Variants in CHLSN observed in about 807,000 individuals in gnomAD.
CHLSN encodes the protein protein cholesin.
the CHLSN span, among the ~76,000 whole-genome samples, chr7:990,622 G>T: frequency 6.6e-6 from 1 of 152,008 alleles, no homozygotes; most frequent in Non-Finnish European, 1.5e-5. Context: ...TCATGGGTGG[G>T]GCTGCTGCTA....
chr7:1,070,971 G>A, the CHLSN span, among the ~76,000 whole-genome samples: 3 of 142,796 alleles, frequency 2.1e-5, no homozygotes, highest in African/African-American at 7.8e-5. Flanking sequence ...CACGCACACG[G>A]GCACATGCAC....
At chr7:989,360 C>G in the CHLSN span, 2 of 157,300 alleles carry the variant, frequency 1.3e-5, no homozygotes, top group Non-Finnish European at 2.8e-5. Context: ...TGGGGCCATG[C>G]GTATGACTGG....
chr7:1,070,931 A>G, the CHLSN span, among the ~76,000 whole-genome samples: 21 of 137,922 alleles, frequency 1.5e-4, no homozygotes, highest in African/African-American at 5.4e-4. Flanking sequence ...ACGCACAGAC[A>G]CGCACACATG....
chr7:997,927 C>T, the CHLSN span: 6 of 891,162 alleles, frequency 6.7e-6, no homozygotes, highest in Admixed American at 2.8e-5. Context: ...CACTGCGGCC[C>T]GAGGGTGTGG....
chr7:982,903 T>A, the CHLSN span, among the ~76,000 whole-genome samples: 2 of 152,314 alleles, frequency 1.3e-5, no homozygotes, highest in South Asian at 4.1e-4. Flanking sequence ...ACTGGCAGGT[T>A]CAGCAGAACC....
the CHLSN span, among the ~76,000 whole-genome samples, chr7:1,094,526 T>A: frequency 1.3e-5 from 2 of 152,124 alleles, no homozygotes; most frequent in Non-Finnish European, 2.9e-5. Flanking sequence ...GAGCAGGGGG[T>A]GAACGGGTGC....
At chr7:1,134,477 G>A in the CHLSN span, among the ~76,000 whole-genome samples, 3 of 152,134 alleles carry the variant, frequency 2.0e-5, no homozygotes. Context: ...GGGAGGCTGA[G>A]GCAGGAGAAT....
At chr7:1,131,972 G>T in the CHLSN span, among the ~76,000 whole-genome samples, 1 of 152,174 alleles carries the variant, frequency 6.6e-6, no homozygotes, top group African/African-American at 2.4e-5. Flanking sequence ...CAGTGGGAAA[G>T]ACAAATGGTG....
the CHLSN span, among the ~76,000 whole-genome samples, chr7:1,042,210 G>A: frequency 1.3e-5 from 2 of 152,192 alleles, no homozygotes; most frequent in East Asian, 1.9e-4. Context: ...GCGCACAACT[G>A]CCCTCAAATG....
chr7:1,116,020 A>G, the CHLSN span, among the ~76,000 whole-genome samples: 1 of 122,770 alleles, frequency 8.1e-6, no homozygotes, highest in African/African-American at 2.9e-5. Context: ...CCCACGCAGG[A>G]TGATGACATC....
the CHLSN span, among the ~76,000 whole-genome samples, chr7:1,020,734 C>T: frequency 1.3e-5 from 2 of 152,212 alleles, no homozygotes; most frequent in Non-Finnish European, 2.9e-5. Flanking sequence ...GGGCAGACAC[C>T]AGCCCATCAC....
At chr7:1,031,197 C>A in the CHLSN span, among the ~76,000 whole-genome samples, 1 of 152,250 alleles carries the variant, frequency 6.6e-6, no homozygotes, top group East Asian at 1.9e-4. Context: ...CGCTACATAT[C>A]TGGACAGAAC....
chr7:984,496 G>T, the CHLSN span: 1 of 1,552,950 alleles, frequency 6.4e-7, no homozygotes. Context: ...GGCGGTCAAA[G>T]AGGCGCTGGC....
At chr7:1,091,584 G>T in the CHLSN span, 3 of 693,168 alleles carry the variant, frequency 4.3e-6, no homozygotes, top group Non-Finnish European at 7.5e-6. Flanking sequence ...ACCACCACAG[G>T]TGCTCCTCCT....
the CHLSN span, among the ~76,000 whole-genome samples, chr7:1,081,589 G>A: frequency 3.3e-5 from 5 of 152,222 alleles, no homozygotes; most frequent in Non-Finnish European, 5.9e-5. Flanking sequence ...CTCAGGTCAC[G>A]CTTACGTCGT....
At chr7:1,006,495 G>GGGAAAGAGCACACGACGGCCACAGCA in the CHLSN span, among the ~76,000 whole-genome samples, 1 of 130,420 alleles carries the variant, frequency 7.7e-6, no homozygotes, top group Non-Finnish European at 1.7e-5. Context: ...CGGCCACAGC[G>GGGAAAGAGCACACGACGGCCACAGCA]CAGGGAAAGA....
the CHLSN span, among the ~76,000 whole-genome samples, chr7:998,231 T>G: frequency 6.6e-6 from 1 of 152,180 alleles, no homozygotes; most frequent in Admixed American, 6.5e-5. Flanking sequence ...CTGACCCTTG[T>G]CTGCTGGTGG....
chr7:1,016,382 GCAGCACACGC>G, the CHLSN span, among the ~76,000 whole-genome samples: 6 of 69,072 alleles, frequency 8.7e-5, 1 homozygote, highest in South Asian at 8.7e-4. Context: ...CCAGCACACA[GCAGCACACGC>G]CAGCACACAG....
the CHLSN span, among the ~76,000 whole-genome samples, chr7:978,080 C>T: frequency 4.6e-5 from 7 of 152,216 alleles, no homozygotes; most frequent in African/African-American, 1.7e-4. Flanking sequence ...GCCTCTCTGT[C>T]TGGGAGCCCC....
Sources: allele counts gnomAD v4.1 joint callset (sites outside exome capture counted in the v4.1 genomes callset), GRCh38; gene constraint gnomAD v4.1.1; transcripts MANE v1.5; gene names NCBI Gene and HGNC (gene_info 2026-07-23, HGNC 2026-07-21).